ZNF100: variants seen among roughly 807,000 people sequenced by gnomAD.
The protein encoded by ZNF100 is zinc finger protein 100 (Y1).
A neutral mutation model predicts 15.8 loss-of-function variants in ZNF100; 12 were observed. The observed-to-expected ratio is 0.76, with a 90% CI of 0.49 to 1.23. The LOEUF is 1.23. ZNF100 is among the 50% of genes most tolerant of loss of function. The pLI, the probability that ZNF100 is intolerant of heterozygous loss-of-function variation, is 0.00. For synonymous variants in ZNF100, 226 were observed against 214.8 expected, an observed-to-expected ratio of 1.05 and a Z score of -0.45; for missense variants, 670 against 635.6, an observed-to-expected ratio of 1.05 and a Z score of -0.58.
intron 2 of ZNF100, among the ~76,000 whole-genome samples, chr19:21,757,109 C>T (rs1317437839): frequency 6.6e-6 from 1 of 152,126 alleles, no homozygotes; most frequent in Non-Finnish European, 1.5e-5. Flanking sequence ...GCGATACCAG[C>T]CTGGCCAACG....
At chr19:21,750,825 C>T in intron 2 of ZNF100, 1 of 445,268 alleles carries the variant, frequency 2.2e-6, no homozygotes, top group Non-Finnish European at 4.0e-6. Flanking sequence ...CCAGCCCCGG[C>T]CCAGAGGAGC....
At chr19:21,732,763 G>T (rs545099624) in intron 4 of ZNF100, among the ~76,000 whole-genome samples, 1 of 151,750 alleles carries the variant, frequency 6.6e-6, no homozygotes, top group African/African-American at 2.4e-5. Flanking sequence ...TAATACAGAG[G>T]TAACTTGAAG....
intron 4 of ZNF100, among the ~76,000 whole-genome samples, chr19:21,741,638 G>C (rs953453905): frequency 4.6e-5 from 7 of 151,788 alleles, no homozygotes; most frequent in Admixed American, 1.3e-4. Flanking sequence ...GCATCTCAAA[G>C]TGCTAGGATT....
intron 4 of ZNF100, among the ~76,000 whole-genome samples, chr19:21,743,743 T>G (rs1398122674): frequency 1.3e-5 from 2 of 150,676 alleles, no homozygotes; most frequent in Non-Finnish European, 2.9e-5. Context: ...TTATATGCCT[T>G]GAAAAGGACT....
rs780051892 is a variant in ZNF100, at chr19:21,723,979, T to G, written c.*2704A>C. On this transcript the variant is annotated 3_prime_UTR_variant, in exon 5 of 5. Coordinates refer to ENST00000358296, the MANE Select transcript of ZNF100 (RefSeq NM_173531.4). ...TAATTGTGGAATTACATTTAAAAAT[T>G]TTGTATGCACTAAATTTTGTAAAAA... The G allele has an allele frequency of 6.6e-6, 1 of 152,146 alleles. No homozygotes were observed. Among genetic ancestry groups the G allele is most frequent in the Non-Finnish European group, 1.5e-5 (1 of 68,020 alleles). The allele number at this position is 152,146 out of a possible 1,614,324, so 9.4% of individuals were successfully genotyped here.
At chr19:21,741,477 G>T (rs1213570070) in intron 4 of ZNF100, among the ~76,000 whole-genome samples, 1 of 151,982 alleles carries the variant, frequency 6.6e-6, no homozygotes, top group Admixed American at 6.6e-5. Flanking sequence ...CAGGTTCAAG[G>T]AATTCTTCTG....
At chr19:21,750,267 A>G (rs926067659) in intron 2 of ZNF100, among the ~76,000 whole-genome samples, 3 of 152,208 alleles carry the variant, frequency 2.0e-5, no homozygotes, top group Non-Finnish European at 4.4e-5. Context: ...ATTCTACCAG[A>G]TGTACAAAGA....
intron 2 of ZNF100, among the ~76,000 whole-genome samples, chr19:21,749,074 C>T (rs1474251171): frequency 6.6e-6 from 1 of 152,164 alleles, no homozygotes; most frequent in Admixed American, 6.5e-5. Flanking sequence ...ATGTTTAATT[C>T]AACCGTGTAT....
intron 2 of ZNF100, among the ~76,000 whole-genome samples, 181 bp downstream of exon 2, chr19:21,765,513 T>C (rs543068130): frequency 6.6e-6 from 1 of 152,314 alleles, no homozygotes; most frequent in African/African-American, 2.4e-5. Flanking sequence ...TCACTTTTTT[T>C]TCCAATATTT....
In ZNF100 at chr19:21,727,356, C is replaced by T; in HGVS notation, c.956G>A (p.Cys319Tyr). Residue 319 changes from cysteine (C) to tyrosine (Y), a missense_variant, in exon 5 of 5, where the codon TGT becomes TAT. Cys to Tyr is a radical substitution (Grantham distance 194). Transcript: ENST00000358296. Reference sequence around the variant, plus strand: ...GTTAAAAGCTTTGCCACATTCTGTACATTTGTAGGGTTTCACTCCAGTATG... The same window carrying T: ...GTTAAAAGCTTTGCCACATTCTGTATATTTGTAGGGTTTCACTCCAGTATG... ...RIHTGVKPYK[C>Y]TECGKAFNRS... 3 of 1,612,710 alleles carry T rather than the reference C, an allele frequency of 1.9e-6. No homozygotes were observed. The highest frequency in any genetic ancestry group is 2.5e-6 in the Non-Finnish European group (3 of 1,179,590).
chr19:21,740,334 A>T (rs1274439323), intron 4 of ZNF100, among the ~76,000 whole-genome samples: 1 of 152,204 alleles, frequency 6.6e-6, no homozygotes. Context: ...ATACTTACAT[A>T]AAAAAACTAA....
chr19:21,727,876 G>T lies in ZNF100; in HGVS notation c.436C>A (p.Gln146Lys). The T allele has an allele frequency of 6.2e-7, 1 of 1,608,074 alleles. No individual in the cohort carries two copies. The highest frequency in any genetic ancestry group is 8.5e-7 in the Non-Finnish European group (1 of 1,178,346). ...GKYGHDNLQL[Q>K]KGCKSVDECK... ...TCATCCACACTTTTACAGCCTTTTTGTAACTGTAAATTGTCATGTCCATAT... is the reference window on the plus strand; with the variant it reads ...TCATCCACACTTTTACAGCCTTTTTTTAACTGTAAATTGTCATGTCCATAT... Residue 146 changes from glutamine to lysine, a missense_variant, in exon 5 of 5, where the codon CAA (glutamine) becomes AAA (lysine). By Grantham distance (53) the Gln-to-Lys change is moderately conservative. Coordinates refer to ENST00000358296, the MANE Select transcript of ZNF100 (RefSeq NM_173531.4).
chr19:21,760,624 C>T (rs2036467307), intron 2 of ZNF100, among the ~76,000 whole-genome samples: 1 of 151,962 alleles, frequency 6.6e-6, no homozygotes, highest in African/African-American at 2.4e-5. Flanking sequence ...GCCATCCAGA[C>T]AATCATCTTG....
intron 4 of ZNF100, among the ~76,000 whole-genome samples, chr19:21,741,999 G>T (rs1463247105): frequency 6.6e-6 from 1 of 151,996 alleles, no homozygotes; most frequent in East Asian, 1.9e-4. Context: ...TACACTTAAA[G>T]AAATTTAAGA....
intron 4 of ZNF100, among the ~76,000 whole-genome samples, chr19:21,742,655 TAAA>T (rs2036138012): frequency 6.6e-6 from 1 of 151,988 alleles, no homozygotes; most frequent in Non-Finnish European, 1.5e-5. Context: ...AAAACATTTT[TAAA>T]AAGCCACTGA....
chr19:21,729,180 C>T (rs1267394240), intron 4 of ZNF100, among the ~76,000 whole-genome samples: 1 of 151,816 alleles, frequency 6.6e-6, no homozygotes, highest in Non-Finnish European at 1.5e-5. Context: ...AAAAATTTTG[C>T]AGGCCAGAAG....
At chr19:21,749,875 C>G (rs2036273361) in intron 2 of ZNF100, among the ~76,000 whole-genome samples, 1 of 148,014 alleles carries the variant, frequency 6.8e-6, no homozygotes. Flanking sequence ...AATCCAAAGT[C>G]TTCTGGCCCT....
chr19:21,728,806 T>A (rs1320161659), intron 4 of ZNF100, among the ~76,000 whole-genome samples: 1 of 151,844 alleles, frequency 6.6e-6, no homozygotes, highest in Non-Finnish European at 1.5e-5. Flanking sequence ...ATAAAAAAGA[T>A]GTATACACAC....
intron 4 of ZNF100, among the ~76,000 whole-genome samples, chr19:21,742,610 G>A (rs925327167): frequency 4.0e-5 from 6 of 151,846 alleles, no homozygotes; most frequent in Non-Finnish European, 7.4e-5. Flanking sequence ...CTATTTTAAC[G>A]TAGGACTGGA....
Sources: gnomAD v4.1 joint callset for allele counts (sites outside exome capture counted in the v4.1 genomes callset) on GRCh38, gnomAD v4.1.1 for gene constraint, MANE v1.5 for transcripts, NCBI Gene and HGNC (gene_info 2026-07-23, HGNC 2026-07-21) for gene names.